The following ASIC2 variants were observed in gnomAD, a reference collection of about 807,000 sequenced individuals.
ASIC2 encodes acid sensing ion channel subunit 2.
Under a neutral mutation model 57.3 loss-of-function variants are expected in ASIC2, and 25 were observed. The ratio of observed to expected loss-of-function variants is 0.44; its 90% CI spans 0.32 to 0.61. The LOEUF is 0.61. ASIC2 is among the 20% of genes least tolerant of loss of function. The pLI is 0.06. For missense variants in ASIC2, 641 were observed against 738.1 expected, an observed-to-expected ratio of 0.87 and a Z score of 1.52; for synonymous variants, 319 against 307.5, an observed-to-expected ratio of 1.04 and a Z score of -0.39.
chr17:33,979,212 C>G (rs1004207087), intron 1 of ASIC2, among the ~76,000 whole-genome samples: 3 of 152,242 alleles, frequency 2.0e-5, no homozygotes, highest in African/African-American at 7.2e-5. Flanking sequence ...GTGACCTTGG[C>G]CTGGCGTTGT....
At chr17:33,800,232 T>C (rs1912091587) in intron 1 of ASIC2, among the ~76,000 whole-genome samples, 2 of 152,142 alleles carry the variant, frequency 1.3e-5, no homozygotes. Context: ...GCTTTGCCAG[T>C]CTGCTTCCGA....
intron 1 of ASIC2, among the ~76,000 whole-genome samples, chr17:33,497,759 A>AT (rs531932886): frequency 6.6e-6 from 1 of 152,118 alleles, no homozygotes; most frequent in Non-Finnish European, 1.5e-5. Flanking sequence ...TTTTTTTCAG[A>AT]TAAAAAAAAG....
At chr17:33,898,220 C>CTTGTTT (rs1915146784) in intron 1 of ASIC2, among the ~76,000 whole-genome samples, 1 of 66,196 alleles carries the variant, frequency 1.5e-5, no homozygotes, top group Non-Finnish European at 2.8e-5. Flanking sequence ...CATGTATAAT[C>CTTGTTT]TTTTTTTTTT....
chr17:34,095,042 T>A (rs1910467194), intron 1 of ASIC2, among the ~76,000 whole-genome samples: 1 of 152,244 alleles, frequency 6.6e-6, no homozygotes, highest in Admixed American at 6.5e-5. Flanking sequence ...GAGCAACTCA[T>A]AACTCATGTC....
chr17:33,783,640 T>C (rs1452839664), intron 1 of ASIC2, among the ~76,000 whole-genome samples: 1 of 152,252 alleles, frequency 6.6e-6, no homozygotes, highest in Non-Finnish European at 1.5e-5. Context: ...AGACTGGCTC[T>C]CCTGTCATCT....
chr17:33,833,858 C>T (rs887002751), intron 1 of ASIC2: 1 of 152,146 alleles, frequency 6.6e-6, no homozygotes, highest in African/African-American at 2.4e-5. Flanking sequence ...AGCTCGAGAC[C>T]AGCCTGGGCC....
At chr17:33,284,489 G>A (rs954840151) in intron 1 of ASIC2, among the ~76,000 whole-genome samples, 11 of 152,192 alleles carry the variant, frequency 7.2e-5, no homozygotes, top group African/African-American at 2.2e-4. Flanking sequence ...CTTACGAACC[G>A]TCTTTCCTTC....
rs1908854245 is a variant in ASIC2, at chr17:33,367,402, ACTC to A, written c.556-255338_556-255336del. ...TGGCGTTTCACCTCTCCCTTGAAGT[ACTC>A]CTAATTTGATCTTTCCACTGCTTCT... On this transcript the variant is annotated intron_variant, in intron 1 of 9. Transcript: ENST00000359872. Among the ~76,000 whole-genome samples, 5 of 152,244 alleles carry A rather than the reference ACTC, an allele frequency of 3.3e-5. No homozygotes were observed. The South Asian group carries it at 8.3e-4, about 25-fold the overall frequency.
At chr17:33,973,883 C>A (rs1905292078) in intron 1 of ASIC2, among the ~76,000 whole-genome samples, 1 of 152,142 alleles carries the variant, frequency 6.6e-6, no homozygotes, top group South Asian at 2.1e-4. Flanking sequence ...CTCAGGGATG[C>A]CTTGCCAGTC....
chr17:33,065,472 G>C (rs1420910343), intron 3 of ASIC2, among the ~76,000 whole-genome samples: 1 of 152,030 alleles, frequency 6.6e-6, no homozygotes, highest in Admixed American at 6.6e-5. Context: ...ACCACATCTG[G>C]CTAATTTTTA....
intron 1 of ASIC2, among the ~76,000 whole-genome samples, chr17:34,049,071 G>A (rs1908444113): frequency 6.6e-6 from 1 of 152,174 alleles, no homozygotes; most frequent in Non-Finnish European, 1.5e-5. Context: ...GATGAGAGAA[G>A]AGGATCACTT....
intron 1 of ASIC2, among the ~76,000 whole-genome samples, chr17:33,564,753 G>A (rs941945821): frequency 6.6e-5 from 10 of 152,276 alleles, no homozygotes; most frequent in Admixed American, 2.0e-4. Context: ...TGGCCCTAAC[G>A]CCCACGCTGG....
At chr17:33,522,296 TC>T (rs1186820979) in intron 1 of ASIC2, among the ~76,000 whole-genome samples, 1 of 152,222 alleles carries the variant, frequency 6.6e-6, no homozygotes, top group Non-Finnish European at 1.5e-5. Flanking sequence ...ATGAATTATT[TC>T]CCCCGTTCCT....
intron 1 of ASIC2, among the ~76,000 whole-genome samples, chr17:33,801,585 A>G (rs1379617337): frequency 1.3e-5 from 2 of 152,162 alleles, no homozygotes; most frequent in African/African-American, 4.8e-5. Flanking sequence ...CAGGGGTAAG[A>G]AACATATAGT....
chr17:34,083,162 T>C (rs1177450146), intron 1 of ASIC2, among the ~76,000 whole-genome samples: 2 of 115,400 alleles, frequency 1.7e-5, no homozygotes, highest in South Asian at 3.5e-4. Flanking sequence ...CCCAGTGCTA[T>C]CCCTCCCCCC....
At chr17:33,414,091 G>A (rs931108505) in intron 1 of ASIC2, among the ~76,000 whole-genome samples, 2 of 152,126 alleles carry the variant, frequency 1.3e-5, no homozygotes, top group Non-Finnish European at 2.9e-5. Context: ...CAGCAGCCCA[G>A]TGGCCTACTC....
intron 1 of ASIC2, among the ~76,000 whole-genome samples, chr17:33,690,743 GTTTTT>G (rs527881591): frequency 3.7e-5 from 3 of 81,676 alleles, no homozygotes; most frequent in Admixed American, 1.7e-4. Context: ...ACTCTTCATT[GTTTTT>G]TTTTTTTTTT....
At chr17:33,099,323 C>A (rs1006249982) in intron 2 of ASIC2, among the ~76,000 whole-genome samples, 1 of 152,062 alleles carries the variant, frequency 6.6e-6, no homozygotes, top group Non-Finnish European at 1.5e-5. Context: ...AGCCGCTTAC[C>A]GCATTTTAAA....
At chr17:33,090,401 C>A (rs2092152769) in intron 2 of ASIC2, among the ~76,000 whole-genome samples, 1 of 152,198 alleles carries the variant, frequency 6.6e-6, no homozygotes, top group African/African-American at 2.4e-5. Context: ...AGGTCCTGCA[C>A]ATGGCTAGGC....
Sources: gnomAD v4.1 joint callset for allele counts (sites outside exome capture counted in the v4.1 genomes callset) on GRCh38, gnomAD v4.1.1 for gene constraint, MANE v1.5 for transcripts, NCBI Gene and HGNC (gene_info 2026-07-23, HGNC 2026-07-21) for gene names.